DOP1B: variants seen among roughly 807,000 people sequenced by gnomAD.
The protein encoded by DOP1B is DOP1 leucine zipper like protein B, also known as protein DOP1B.
A neutral mutation model predicts 233.5 loss-of-function variants in DOP1B; 174 were observed. The ratio of observed to expected loss-of-function variants is 0.75; its 90% confidence interval spans 0.66 to 0.85. The LOEUF (loss-of-function observed/expected upper bound fraction) is 0.85. Ranked by LOEUF, DOP1B falls within the 40% of genes least tolerant of loss-of-function variation. DOP1B has a pLI of 0.00. For missense variants in DOP1B, 2,652 were observed against 2,846.6 expected, an observed-to-expected ratio of 0.93 and a Z score of 1.56; for synonymous variants, 1,190 against 1,185.6, an observed-to-expected ratio of 1.00 and a Z score of -0.08.
intron 23 of DOP1B, among the ~76,000 whole-genome samples, chr21:36,257,829 G>GTAGATGTAGC (rs372706320): frequency 0.089 from 13,342 of 149,494 alleles, 855 homozygotes; most frequent in East Asian, 0.26. Context: ...ATGTAGGTAG[G>GTAGATGTAGC]TAGGTAGATG....
chr21:36,178,158 G>A (rs2066052971), intron 2 of DOP1B, among the ~76,000 whole-genome samples: 1 of 152,164 alleles, frequency 6.6e-6, no homozygotes, highest in Non-Finnish European at 1.5e-5. Flanking sequence ...ATGAGGTCAT[G>A]AGGATGAGAC....
intron 2 of DOP1B, among the ~76,000 whole-genome samples, chr21:36,187,469 T>C (rs7283712): frequency 6.6e-6 from 1 of 151,706 alleles, no homozygotes; most frequent in Admixed American, 6.6e-5. Context: ...TAATTTTTGT[T>C]TTTTTTTAGT....
At position 36,199,107 on chromosome 21, in the gene DOP1B, G is replaced by A. The variant is rs1484410311; in HGVS notation, c.176G>A (p.Arg59Lys). The change falls in exon 3 of 37, where the codon AGA (arginine) becomes AAA (lysine). Residue 59 changes from arginine (R) to lysine (K), a missense_variant. By Grantham distance (26) the Arg-to-Lys change is conservative (BLOSUM62 2). Coordinates refer to ENST00000691173, the MANE Select transcript of DOP1B (RefSeq NM_001320714.2). ...QSNLRYSLLP[R>K]RLLISKRLAQ... The stretch of plus-strand genomic sequence containing the variant: ...AACCTGAGGTACTCCTTGTTGCCAA[G>A]ACGGCTCCTCATCAGCAAAAGATTA... 2 of 1,613,898 alleles carry A rather than the reference G, an allele frequency of 1.2e-6. No homozygotes were observed. Among genetic ancestry groups the A allele is most frequent in the African/African-American group, 2.7e-5 (2 of 74,910 alleles).
chr21:36,239,765 G>T lies in DOP1B; in HGVS notation c.2877G>T (p.Arg959Ser). The T allele has an allele frequency of 1.3e-6, 2 of 1,532,956 alleles. No homozygotes were observed. Among genetic ancestry groups the T allele is most frequent in the South Asian group, 1.2e-5 (1 of 81,982 alleles). The allele number at this position is 1,532,956 out of a possible 1,614,324, so 95.0% of individuals were successfully genotyped here. A position where few individuals can be genotyped will look rare whatever the true frequency, so the allele number is the denominator to read the frequency against. ...RVTSHNRSFD[R>S]SLFVVLDSLA... The stretch of plus-strand genomic sequence containing the variant: ...CTCACTGGTGTGTTTCCCACTGCAG[G>T]TCCTTGTTTGTCGTGCTGGACAGCC... The change falls in exon 18 of 37, where the codon AGG (arginine) becomes AGT (serine). Residue 959 changes from arginine (R) to serine (S), a missense_variant and splice_region_variant. Physicochemically the swap from Arg to Ser is moderately radical, Grantham distance 110 (BLOSUM62 -1). Transcript: ENST00000691173.
intron 2 of DOP1B, among the ~76,000 whole-genome samples, chr21:36,176,104 G>A (rs1178841322): frequency 1.3e-5 from 2 of 150,622 alleles, no homozygotes; most frequent in African/African-American, 2.4e-5. Flanking sequence ...GTGCGTGTGT[G>A]TGTGTGTGTG....
chr21:36,219,318 C>G (rs948403986), intron 9 of DOP1B, 54 bp from the exon 10 acceptor site: 2 of 1,609,634 alleles, frequency 1.2e-6, no homozygotes, highest in Non-Finnish European at 1.7e-6. Flanking sequence ...ATGTCACTTA[C>G]TGATTTAAAG....
chr21:36,292,239 T>G lies in DOP1B; in HGVS notation c.6645+6T>G. The G allele has an allele frequency of 5.1e-6, 8 of 1,566,832 alleles. No homozygotes were observed. In the South Asian group the frequency reaches 7.2e-5, roughly 14 times the overall value. ...TTCTAAAATTAAAGTTTGGGGTAAG[T>G]GCTTTTCTTTTCTTTTCTTTTTTTT... is the stretch of plus-strand genomic sequence containing the variant. On this transcript the variant is annotated splice_donor_region_variant and intron_variant, in intron 36 of 36. Coordinates refer to ENST00000691173, the MANE Select transcript of DOP1B (RefSeq NM_001320714.2).
At chr21:36,178,564 C>T (rs1461092878) in intron 2 of DOP1B, among the ~76,000 whole-genome samples, 1 of 152,174 alleles carries the variant, frequency 6.6e-6, no homozygotes, top group Non-Finnish European at 1.5e-5. Context: ...TGATTGCGGA[C>T]TCCCAACCTA....
chr21:36,242,317 C>T lies in DOP1B; in HGVS notation c.3067+2362C>T, dbSNP rs186723680. On this transcript the variant is annotated intron_variant, in intron 18 of 36. Coordinates refer to ENST00000691173, the MANE Select transcript of DOP1B (RefSeq NM_001320714.2). ...CCTCCCAAGTAGCTGGGATTACAGG[C>T]GCTGGCCACCACAGCCAACTAATTT... is the stretch of plus-strand genomic sequence containing the variant. Among the ~76,000 whole-genome samples the T allele has an allele frequency of 1.2e-4, 19 of 152,026 alleles. No individual in the cohort carries two copies. In the East Asian group the frequency reaches 2.5e-3, roughly 20 times the overall value.
At chr21:36,269,912 C>A in intron 26 of DOP1B, 101 bp from the exon 27 acceptor site, 1 of 1,234,570 alleles carries the variant, frequency 8.1e-7, no homozygotes, top group Non-Finnish European at 1.2e-6. Flanking sequence ...ATGCTCACAG[C>A]TGTGGCCTGC....
intron 30 of DOP1B, among the ~76,000 whole-genome samples, chr21:36,278,674 C>T (rs2067381833): frequency 1.3e-5 from 2 of 152,038 alleles, no homozygotes; most frequent in East Asian, 1.9e-4. Flanking sequence ...TCGAGACCAG[C>T]CTGGCCAACA....
At chr21:36,263,335 G>A (rs2067194994) in intron 24 of DOP1B, among the ~76,000 whole-genome samples, 1 of 151,558 alleles carries the variant, frequency 6.6e-6, no homozygotes, top group African/African-American at 2.4e-5. Flanking sequence ...TCACCTGCCA[G>A]CAGTAGGATT....
intron 19 of DOP1B, among the ~76,000 whole-genome samples, chr21:36,247,005 G>A (rs1035583565): frequency 2.0e-5 from 3 of 152,096 alleles, no homozygotes; most frequent in African/African-American, 2.4e-5. Flanking sequence ...TCAGCCTCCC[G>A]AGTAGCTGGG....
chr21:36,183,595 C>A (rs546342013), intron 2 of DOP1B, among the ~76,000 whole-genome samples: 1 of 152,216 alleles, frequency 6.6e-6, no homozygotes, highest in Non-Finnish European at 1.5e-5. Flanking sequence ...GGGAGCAGGA[C>A]GCCTACAGAG....
chr21:36,228,191 A>G (rs1039930572), intron 13 of DOP1B, among the ~76,000 whole-genome samples: 1 of 152,000 alleles, frequency 6.6e-6, no homozygotes, highest in Admixed American at 6.6e-5. Context: ...GGCCAAGTAC[A>G]GTGGCCCACA....
chr21:36,287,579 CTTTTTTTTTTTTT>C (rs869203517), intron 32 of DOP1B, among the ~76,000 whole-genome samples: 1 of 73,124 alleles, frequency 1.4e-5, no homozygotes, highest in Non-Finnish European at 2.4e-5. Context: ...TCCTAACATT[CTTTTTTTTTTTTT>C]TTTTTTTTTT....
intron 12 of DOP1B, among the ~76,000 whole-genome samples, chr21:36,227,367 GA>G (rs1415115997): frequency 6.6e-6 from 1 of 151,468 alleles, no homozygotes; most frequent in South Asian, 2.1e-4. Context: ...CTAACACGGT[GA>G]AACCCCATCT....
At chr21:36,179,999 G>A (rs1172494789) in intron 2 of DOP1B, among the ~76,000 whole-genome samples, 1 of 152,140 alleles carries the variant, frequency 6.6e-6, no homozygotes, top group African/African-American at 2.4e-5. Context: ...AGATGCCAGA[G>A]CCACAGCCTG....
At chr21:36,264,424 A>T (rs1000186014) in intron 26 of DOP1B, among the ~76,000 whole-genome samples, 7 of 152,102 alleles carry the variant, frequency 4.6e-5, no homozygotes, top group Non-Finnish European at 1.0e-4. Flanking sequence ...AAAATTTTTT[A>T]AAAAAGGAAG....
Sources: allele counts gnomAD v4.1 joint callset (sites outside exome capture counted in the v4.1 genomes callset), GRCh38; gene constraint gnomAD v4.1.1; transcripts MANE v1.5; gene names NCBI Gene and HGNC (gene_info 2026-07-23, HGNC 2026-07-21).